The following ARFGEF3 variants were observed in gnomAD, a reference collection of about 807,000 sequenced individuals.
The protein encoded by ARFGEF3 is ARFGEF family member 3, also known as brefeldin A-inhibited guanine nucleotide-exchange protein 3.
A neutral mutation model predicts 221.7 loss-of-function variants in ARFGEF3; 96 were observed. The observed-to-expected ratio is 0.43, with a 90% CI of 0.37 to 0.51. The LOEUF (loss-of-function observed/expected upper bound fraction) is 0.51, where lower values mean the gene tolerates loss of function less well. Ranked by LOEUF, ARFGEF3 falls within the 20% of genes least tolerant of loss-of-function variation. ARFGEF3 has a pLI of 0.00. For missense variants in ARFGEF3, 2,410 were observed against 2,789.9 expected, an observed-to-expected ratio of 0.86 and a Z score of 3.07; for synonymous variants, 1,145 against 1,126.8, an observed-to-expected ratio of 1.02 and a Z score of -0.32.
At chr6:138,314,907 A>T (rs565625993) in intron 26 of ARFGEF3, among the ~76,000 whole-genome samples, 12 of 152,318 alleles carry the variant, frequency 7.9e-5, no homozygotes, top group African/African-American at 2.9e-4. Context: ...GTTTCCATGG[A>T]CTTTCCAAAA....
intron 1 of ARFGEF3, among the ~76,000 whole-genome samples, chr6:138,169,492 G>A (rs1201699817): frequency 6.6e-6 from 1 of 152,210 alleles, no homozygotes; most frequent in African/African-American, 2.4e-5. Flanking sequence ...ATGCTGATCT[G>A]GTTGTTCACT....
intron 15 of ARFGEF3, 51 bp downstream of exon 15, chr6:138,286,104 C>T (rs374053309): frequency 2.0e-5 from 21 of 1,030,628 alleles, no homozygotes; most frequent in East Asian, 1.9e-4. Flanking sequence ...GCATGTGTTA[C>T]CAGCAATTAC....
chr6:138,278,410 A>G lies in ARFGEF3; in HGVS notation c.2129-41A>G, dbSNP rs772109224. On this transcript the variant is annotated intron_variant, in intron 12 of 33. Transcript: ENST00000251691. ...TCTGGAAGCCAGCCTTGCCAAGCAC[A>G]CTGTTCACACCCCCAAAAGTCCCTT... The G allele has an allele frequency of 2.5e-6, 4 of 1,595,920 alleles. No homozygotes were observed. The East Asian group carries it at 6.7e-5, about 27-fold the overall frequency.
At position 138,307,386 on chromosome 6, in the gene ARFGEF3, A is replaced by T; in HGVS notation, c.3962A>T (p.Asp1321Val). ...GAGATGAAGGAGTACCTGGTTGGTG[A>T]CTACTCCATGGGTAAGAATGTTTGG... The part of the protein sequence containing the change: ...KSEMKEYLVG[D>V]YSMGKGQAPV... Residue 1321 changes from aspartate (D) to valine (V), a missense_variant, in exon 23 of 34, where the codon GAC becomes GTC. Asp to Val is a radical substitution (Grantham distance 152). Around this residue, in one of 5 missense-constraint regions of ARFGEF3, gnomAD observed 723 missense variants for 991.9 expected, o/e 0.73. Transcript: ENST00000251691. 1.2e-6 allele frequency: 2 copies of T among 1,613,752 alleles called. No homozygotes were observed. The highest frequency in any genetic ancestry group is 1.7e-6 in the Non-Finnish European group (2 of 1,179,732).
chr6:138,336,178 A>C, intron 33 of ARFGEF3, 117 bp from the exon 34 acceptor site: 1 of 710,856 alleles, frequency 1.4e-6, no homozygotes, highest in Non-Finnish European at 2.2e-6. Flanking sequence ...AGTGAAAACT[A>C]ATTTATTGCA....
At chr6:138,240,365 T>G (rs190815284) in intron 6 of ARFGEF3, among the ~76,000 whole-genome samples, 4 of 152,380 alleles carry the variant, frequency 2.6e-5, no homozygotes, top group African/African-American at 7.2e-5. Flanking sequence ...AATCAAACTT[T>G]GTAATTTCAA....
At chr6:138,271,145 C>G (rs780121718) in intron 12 of ARFGEF3, among the ~76,000 whole-genome samples, 7 of 152,128 alleles carry the variant, frequency 4.6e-5, no homozygotes, top group Non-Finnish European at 1.0e-4. Flanking sequence ...AATAAGTAGT[C>G]TAACAAAATC....
At chr6:138,324,980 G>C (rs1008143305) in intron 31 of ARFGEF3, among the ~76,000 whole-genome samples, 3 of 152,298 alleles carry the variant, frequency 2.0e-5, no homozygotes, top group African/African-American at 7.2e-5. Flanking sequence ...AGTGAAAAAG[G>C]GAAATGGAAT....
At chr6:138,319,553 C>T in intron 27 of ARFGEF3, 150 bp from the exon 28 acceptor site, 1 of 612,312 alleles carries the variant, frequency 1.6e-6, no homozygotes, top group Non-Finnish European at 2.8e-6. Context: ...CCACTGAAGA[C>T]CATATATTCC....
intron 4 of ARFGEF3, among the ~76,000 whole-genome samples, chr6:138,215,663 A>G (rs1228781531): frequency 1.3e-5 from 2 of 150,644 alleles, no homozygotes; most frequent in Non-Finnish European, 3.0e-5. Flanking sequence ...TGTGTAGATG[A>G]TGGAGCAGAA....
intron 10 of ARFGEF3, 98 bp downstream of exon 10, chr6:138,255,867 C>A: frequency 9.7e-7 from 1 of 1,029,964 alleles, no homozygotes; most frequent in Non-Finnish European, 1.4e-6. Context: ...AATCACTTGC[C>A]GGAACTTCAT....
intron 22 of ARFGEF3, among the ~76,000 whole-genome samples, chr6:138,300,502 G>A (rs780070310): frequency 6.6e-6 from 1 of 152,194 alleles, no homozygotes; most frequent in Non-Finnish European, 1.5e-5. Flanking sequence ...ATAGGGCAGT[G>A]AAGAACTACA....
At position 138,291,847 on chromosome 6, in the gene ARFGEF3, G is replaced by A. The variant is rs1442442316; in HGVS notation, c.3162G>A (p.Gly1054=). Residue 1054 remains glycine (G), a synonymous_variant, in exon 19 of 34, where the codon GGG becomes GGA. Transcript: ENST00000251691. The surrounding 1 kb of genome is among the most constrained non-coding windows in gnomAD (Gnocchi z 4.5). ...QKATGSAGLL[G]DPECEGSPPE... ...CCACTGGAAGCGCTGGCCTCCTTGG[G>A]GACCCCGAGTGTGAGGGCTCGCCCC... 6.0e-6 allele frequency: 9 copies of A among 1,499,270 alleles called. No individual in the cohort carries two copies. Among genetic ancestry groups the A allele is most frequent in the Non-Finnish European group, 8.0e-6 (9 of 1,121,280 alleles). The allele number at this position is 1,499,270 out of a possible 1,614,324, so 92.9% of individuals were successfully genotyped here.
chr6:138,223,619 C>A (rs145567501), intron 4 of ARFGEF3, among the ~76,000 whole-genome samples: 7 of 152,222 alleles, frequency 4.6e-5, no homozygotes, highest in Non-Finnish European at 7.4e-5. Flanking sequence ...AAAATAATTT[C>A]TTGTTCATTC....
At chr6:138,177,576 C>G (rs6941550) in intron 2 of ARFGEF3, among the ~76,000 whole-genome samples, 18,694 of 152,122 alleles carry the variant, frequency 0.12, 1,525 homozygotes, top group East Asian at 0.38. Flanking sequence ...TTAAAGAGAT[C>G]TTTGGTCTTT....
chr6:138,317,385 T>C lies in ARFGEF3; in HGVS notation c.4474+6T>C. The C allele has an allele frequency of 1.9e-6, 3 of 1,613,864 alleles. No homozygotes were observed. The highest frequency in any genetic ancestry group is 2.5e-6 in the Non-Finnish European group (3 of 1,179,860). ...AGATGTGACGAAAACACCAGGTAAA[T>C]ATTTCTGTGTCCGTCTTTTGGGGGA... is the stretch of plus-strand genomic sequence containing the variant. On this transcript the variant is annotated splice_donor_region_variant and intron_variant, in intron 27 of 33. Coordinates refer to ENST00000251691, the MANE Select transcript of ARFGEF3 (RefSeq NM_020340.5).
rs181159423 is a variant in ARFGEF3 at position 138,168,412 on chromosome 6, C to T, written c.86-2250C>T. Among the ~76,000 whole-genome samples, 35 of 152,216 alleles carry T rather than the reference C, an allele frequency of 2.3e-4. No homozygotes were observed. The East Asian group carries it at 5.0e-3, about 22-fold the overall frequency. On this transcript the variant is annotated intron_variant, in intron 1 of 33. Coordinates refer to ENST00000251691, the MANE Select transcript of ARFGEF3 (RefSeq NM_020340.5). The stretch of plus-strand genomic sequence containing the variant: ...AGAGCAAGGAGCCAGGGGGCTGGAG[C>T]GACGGGAGAGAAGTAGGAAGTGAGG...
intron 2 of ARFGEF3, among the ~76,000 whole-genome samples, chr6:138,174,341 T>C (rs911435365): frequency 1.3e-5 from 2 of 151,934 alleles, no homozygotes. Context: ...AATGGGCTTT[T>C]CCCCCTGTGT....
rs1776636863 is a variant in ARFGEF3, at chr6:138,162,424, C to T, written c.85+253C>T. Among the ~76,000 whole-genome samples, 1 of 152,206 alleles carries T rather than the reference C, an allele frequency of 6.6e-6. No homozygotes were observed. The highest frequency in any genetic ancestry group is 1.5e-5 in the Non-Finnish European group (1 of 68,032). The stretch of plus-strand genomic sequence containing the variant: ...CGCTGTCCTCCCTGCCTGGCGGCCC[C>T]CTTCTCCTGGTCCCGGCGCTGGGGA... On this transcript the variant is annotated intron_variant, in intron 1 of 33. Transcript: ENST00000251691. This position sits in a 1 kb window ranked among gnomAD's most constrained non-coding sequence, Gnocchi z 4.7.
Sources: allele counts gnomAD v4.1 joint callset (sites outside exome capture counted in the v4.1 genomes callset), GRCh38; gene constraint gnomAD v4.1.1; regional missense constraint gnomAD v4.1.1; non-coding constraint Gnocchi (gnomAD v3.1); transcripts MANE v1.5; gene names NCBI Gene and HGNC (gene_info 2026-07-23, HGNC 2026-07-21).